CNR2: variants seen among roughly 807,000 people sequenced by gnomAD.
The protein encoded by CNR2 is cannabinoid receptor 2 (macrophage).
For missense variants in CNR2, 379 were observed against 439.9 expected (o/e 0.86, Z 1.24); for synonymous variants, 172 against 182.2 (o/e 0.94, Z 0.45).
intron 1 of CNR2, among the ~76,000 whole-genome samples, chr1:23,894,653 A>AAAG (rs1640248742): frequency 6.8e-6 from 1 of 147,800 alleles, no homozygotes; most frequent in Non-Finnish European, 1.5e-5. Context: ...AATAATAATA[A>AAAG]TAAAAAAATC....
rs201178693 is a variant in CNR2, at chr1:23,874,949, C to A, written c.669G>T (p.Leu223Phe). The change falls in exon 2 of 2, where the codon TTG becomes TTT. Residue 223 changes from leucine to phenylalanine, a missense_variant. Physicochemically the swap from Leu to Phe is conservative, Grantham distance 22. Transcript: ENST00000374472. The part of the protein sequence containing the change: ...LWKAHQHVAS[L>F]SGHQDRQVPG... ...GCACCTGCCTGTCCTGGTGGCCAGACAAGCTGGCCACATGCTGATGGGCCT... is the reference window on the plus strand; with the variant it reads ...GCACCTGCCTGTCCTGGTGGCCAGAAAAGCTGGCCACATGCTGATGGGCCT... The A allele has an allele frequency of 6.2e-7, 1 of 1,611,360 alleles. No individual in the cohort carries two copies. Among genetic ancestry groups the A allele is most frequent in the Non-Finnish European group, 8.5e-7 (1 of 1,178,354 alleles).
At chr1:23,910,390 A>T (rs1179553808) in intron 1 of CNR2, among the ~76,000 whole-genome samples, 1 of 151,920 alleles carries the variant, frequency 6.6e-6, no homozygotes, top group African/African-American at 2.4e-5. Context: ...AATGTGTAGT[A>T]AATGCTTCAT....
At chr1:23,912,333 CT>C (rs1403113657) in intron 1 of CNR2, among the ~76,000 whole-genome samples, 3 of 152,220 alleles carry the variant, frequency 2.0e-5, no homozygotes, top group Non-Finnish European at 4.4e-5. Context: ...CTAACACTAC[CT>C]TGTGGTCTCC....
At chr1:23,901,453 G>C (rs1403488086) in intron 1 of CNR2, 1 of 1,532,692 alleles carries the variant, frequency 6.5e-7, no homozygotes, top group Non-Finnish European at 8.8e-7. Context: ...CCGACCTGCT[G>C]CAGCCTCCCC....
intron 1 of CNR2, among the ~76,000 whole-genome samples, chr1:23,904,467 C>A (rs540018645): frequency 6.6e-6 from 1 of 152,262 alleles, no homozygotes; most frequent in South Asian, 2.1e-4. Context: ...AGCCACTGCA[C>A]CTAGCTAATC....
Position 23,870,876 on chromosome 1 carries a change from G to A in CNR2, c.*3659C>T, listed in dbSNP as rs1639750414. On this transcript the variant is annotated 3_prime_UTR_variant, in exon 2 of 2. Transcript: ENST00000374472. ...CCACTTAAAGCAGACATAGGGGCTG[G>A]GAGTGGTGGCTCACACCTGTAATCC... is the stretch of plus-strand genomic sequence containing the variant. 6.6e-6 allele frequency: 1 copy of A among 152,366 alleles called. No individual in the cohort carries two copies. The highest frequency in any genetic ancestry group is 2.1e-4 in the South Asian group (1 of 4,818). 9.4% of individuals were successfully genotyped at this position (152,366 alleles called of 1,614,324 possible). A position where few individuals can be genotyped will look rare whatever the true frequency, so the allele number is the denominator to read the frequency against.
At chr1:23,906,537 TTTTTCTTTC>T (rs953097491) in intron 1 of CNR2, among the ~76,000 whole-genome samples, 2 of 105,732 alleles carry the variant, frequency 1.9e-5, no homozygotes, top group African/African-American at 6.1e-5. Flanking sequence ...ATCTTTCTTT[TTTTTCTTTC>T]TTTTTTTTTT....
In CNR2 at chr1:23,874,504, C is replaced by T. The variant is rs754195729; in HGVS notation, c.*31G>A. The T allele has an allele frequency of 3.1e-5, 50 of 1,590,822 alleles. No individual in the cohort carries two copies. The Admixed American group carries it at 7.7e-4, about 24-fold the overall frequency. ...TTCCAGGGAGTGAACTGATTTCTGA[C>T]TTGAGTTGTTTAAATTGGGAAGAGG... On this transcript the variant is annotated 3_prime_UTR_variant, in exon 2 of 2. Coordinates refer to ENST00000374472, the MANE Select transcript of CNR2 (RefSeq NM_001841.3).
intron 1 of CNR2, among the ~76,000 whole-genome samples, chr1:23,893,431 C>T (rs1290231210): frequency 6.6e-6 from 1 of 152,226 alleles, no homozygotes; most frequent in African/African-American, 2.4e-5. Context: ...ACTCTCTGAG[C>T]TTCAGTTTCT....
chr1:23,874,097 G>T lies in CNR2; in HGVS notation c.*438C>A. 1 of 169,392 alleles carries T rather than the reference G, an allele frequency of 5.9e-6. No individual in the cohort carries two copies. Among genetic ancestry groups the T allele is most frequent in the Non-Finnish European group, 1.3e-5 (1 of 76,548 alleles). 10.5% of individuals were successfully genotyped at this position (169,392 alleles called of 1,614,324 possible). A position where few individuals can be genotyped will look rare whatever the true frequency, so the allele number is the denominator to read the frequency against. On this transcript the variant is annotated 3_prime_UTR_variant, in exon 2 of 2. Transcript: ENST00000374472. ...CCTTTCATAGCTCCAGAGCCAAGGA[G>T]GCCTTGACAATTAGGCAGAGAGAAG...
Position 23,875,516 on chromosome 1 carries a change from T to A in CNR2, c.102A>T (p.Thr34=). ...GAAGAGTGCACAACACAGCAACAGCTGTCTTCTGGGGACCACTCAGGATCA... is the reference window on the plus strand; with the variant it reads ...GAAGAGTGCACAACACAGCAACAGCAGTCTTCTGGGGACCACTCAGGATCA... The part of the protein sequence containing the change: ...DYMILSGPQK[T]AVAVLCTLLG... Residue 34 remains threonine (T), a synonymous_variant, in exon 2 of 2, where the codon ACA becomes ACT. Transcript: ENST00000374472. 1 of 1,614,128 alleles carries A rather than the reference T, an allele frequency of 6.2e-7. No individual in the cohort carries two copies. Among genetic ancestry groups the A allele is most frequent in the Non-Finnish European group, 8.5e-7 (1 of 1,180,028 alleles).
chr1:23,888,862 G>A (rs548113329), intron 1 of CNR2, among the ~76,000 whole-genome samples: 16 of 152,034 alleles, frequency 1.1e-4, no homozygotes, highest in Admixed American at 2.0e-4. Context: ...CCAGCTATTC[G>A]GGAGGCTGAA....
At chr1:23,888,117 C>T (rs1005114208) in intron 1 of CNR2, among the ~76,000 whole-genome samples, 4 of 152,188 alleles carry the variant, frequency 2.6e-5, no homozygotes, top group Non-Finnish European at 4.4e-5. Context: ...AAAGGGGACT[C>T]GTTTTCTTTG....
intron 1 of CNR2, among the ~76,000 whole-genome samples, chr1:23,881,251 G>C (rs1202828719): frequency 6.6e-6 from 1 of 151,766 alleles, no homozygotes; most frequent in Non-Finnish European, 1.5e-5. Context: ...ACTCCAGCCT[G>C]GGTGACAGAG....
At chr1:23,907,886 G>A (rs947023763) in intron 1 of CNR2, 3 of 151,156 alleles carry the variant, frequency 2.0e-5, no homozygotes, top group African/African-American at 2.4e-5. Context: ...GAGCAAAAAC[G>A]ATGTAAAGCC....
At chr1:23,883,035 T>C (rs1309054017) in intron 1 of CNR2, among the ~76,000 whole-genome samples, 2 of 151,902 alleles carry the variant, frequency 1.3e-5, no homozygotes, top group Non-Finnish European at 2.9e-5. Flanking sequence ...GATTATAAAA[T>C]AGATGACCAC....
At position 23,904,286 on chromosome 1, in the gene CNR2, G is replaced by C. The variant is rs1451792089; in HGVS notation, c.-46+8960C>G. ...TTCCCGGGTTCAAGTGATTCTTCCG[G>C]CTCAGCCTCCCGAGTAGCTTGGGAT... On this transcript the variant is annotated intron_variant, in intron 1 of 1. Coordinates refer to ENST00000374472, the MANE Select transcript of CNR2 (RefSeq NM_001841.3). Among the ~76,000 whole-genome samples the C allele has an allele frequency of 2.0e-5, 3 of 151,360 alleles. No homozygotes were observed. The East Asian group carries it at 5.8e-4, about 29-fold the overall frequency.
chr1:23,913,005 A>G (rs1268971779), intron 1 of CNR2, among the ~76,000 whole-genome samples: 1 of 152,146 alleles, frequency 6.6e-6, no homozygotes, highest in Non-Finnish European at 1.5e-5. Context: ...TGTCTCTACT[A>G]AAAATACAAA....
At position 23,902,069 on chromosome 1, in the gene CNR2, G is replaced by C. The variant is rs529285520; in HGVS notation, c.-46+11177C>G. 4.5e-6 allele frequency: 7 copies of C among 1,541,986 alleles called. No homozygotes were observed. In the South Asian group the frequency reaches 6.7e-5, roughly 15 times the overall value. The stretch of plus-strand genomic sequence containing the variant: ...GCAGCGCCGTTGGCAAACTCCTCTA[G>C]GGTCATGGTTGGAATTCGGATCAGA... On this transcript the variant is annotated intron_variant, in intron 1 of 1. Transcript: ENST00000374472.
Sources: allele counts gnomAD v4.1 joint callset (sites outside exome capture counted in the v4.1 genomes callset), GRCh38; gene constraint gnomAD v4.1.1; transcripts MANE v1.5; gene names NCBI Gene and HGNC (gene_info 2026-07-23, HGNC 2026-07-21).